SLC15A2: variants seen among roughly 807,000 people sequenced by gnomAD.
SLC15A2 encodes kidney H(+)/peptide cotransporter.
In SLC15A2, 77 loss-of-function variants were observed where a neutral mutation model predicts 95.5. The ratio of observed to expected loss-of-function variants is 0.81; its 90% CI spans 0.67 to 0.97. The LOEUF is 0.97. SLC15A2 is among the 50% of genes least tolerant of loss of function. SLC15A2 has a pLI of 0.00. For synonymous variants in SLC15A2, 306 were observed against 306.9 expected (o/e 1.00, Z 0.03); for missense variants, 893 against 874.4 (o/e 1.02, Z -0.27).
intron 15 of SLC15A2, 132 bp from the exon 16 acceptor site, chr3:121,928,850 G>A: frequency 1.0e-6 from 1 of 956,250 alleles, no homozygotes; most frequent in Non-Finnish European, 1.5e-6. Flanking sequence ...AAATAAAATG[G>A]CTAGGTTAAA....
rs947867145 is a variant in SLC15A2 at position 121,940,891 on chromosome 3, A to G, written c.2074A>G (p.Met692Val). The G allele has an allele frequency of 3.7e-6, 6 of 1,613,948 alleles. No homozygotes were observed. The African/African-American group carries it at 5.3e-5, about 14-fold the overall frequency. Reference sequence around the variant, plus strand: ...GGTGATCTGCCTGATCTTCTCCATCATGGGCTACTACTATGTTCCTGTAAA... The same window carrying G: ...GGTGATCTGCCTGATCTTCTCCATCGTGGGCTACTACTATGTTCCTGTAAA... ...LLVICLIFSIMGYYYVPVKTE... is the reference protein window; with the variant it reads ...LLVICLIFSIVGYYYVPVKTE... Residue 692 changes from methionine to valine, a missense_variant, in exon 22 of 22, where the codon ATG becomes GTG. Transcript: ENST00000489711.
intron 19 of SLC15A2, among the ~76,000 whole-genome samples, chr3:121,931,968 C>T (rs1406005767): frequency 4.6e-5 from 7 of 152,158 alleles, no homozygotes; most frequent in African/African-American, 7.2e-5. Context: ...GGCACCATCT[C>T]GACTCACTGC....
chr3:121,904,797 C>T (rs1207288338), intron 3 of SLC15A2, among the ~76,000 whole-genome samples: 1 of 152,164 alleles, frequency 6.6e-6, no homozygotes, highest in Non-Finnish European at 1.5e-5. Flanking sequence ...ACCAGGGATA[C>T]TGGTCTAAAA....
intron 5 of SLC15A2, among the ~76,000 whole-genome samples, 194 bp downstream of exon 5, chr3:121,913,314 G>A (rs530353113): frequency 2.4e-4 from 37 of 152,288 alleles, no homozygotes; most frequent in African/African-American, 8.9e-4. Flanking sequence ...GACCAGGGTG[G>A]TAGATGAACT....
rs749599908 is a variant in SLC15A2, at chr3:121,911,563, T to C, written c.336-11T>C. The C allele has an allele frequency of 6.2e-7, 1 of 1,600,632 alleles. No individual in the cohort carries two copies. The highest frequency in any genetic ancestry group is 8.6e-7 in the Non-Finnish European group (1 of 1,167,836). Reference sequence around the variant, plus strand: ...CTGGTTTTAGACTGACTGATTTAGCTCTCTCAACAGGACAATCATCTATCT... The same window carrying C: ...CTGGTTTTAGACTGACTGATTTAGCCCTCTCAACAGGACAATCATCTATCT... On this transcript the variant is annotated splice_polypyrimidine_tract_variant and intron_variant, in intron 3 of 21. Transcript: ENST00000489711.
chr3:121,908,406 C>T (rs1389735902), intron 3 of SLC15A2, among the ~76,000 whole-genome samples: 1 of 152,216 alleles, frequency 6.6e-6, no homozygotes, highest in Non-Finnish European at 1.5e-5. Flanking sequence ...CCAACCAGTC[C>T]CAATGAAATG....
rs1383069659 is a variant in SLC15A2, at chr3:121,914,871, AAAAAC to A, written c.529-355_529-351del. 2.0e-5 allele frequency: 9 copies of A among 439,460 alleles called. No individual in the cohort carries two copies. The East Asian group carries it at 9.5e-4, about 46-fold the overall frequency. 27.2% of individuals were successfully genotyped at this position (439,460 alleles called of 1,614,324 possible). ...AGACTCCATCTCAAAAAAAAAAAAA[AAAAAC>A]CACAAACACACACATGAAATAAAAA... On this transcript the variant is annotated intron_variant, in intron 5 of 21. Transcript: ENST00000489711.
At chr3:121,897,846 A>G (rs988489286) in intron 3 of SLC15A2, among the ~76,000 whole-genome samples, 3 of 152,196 alleles carry the variant, frequency 2.0e-5, no homozygotes, top group Non-Finnish European at 4.4e-5. Flanking sequence ...TGTTGGAGAT[A>G]GACAGCACTA....
At chr3:121,908,388 C>T (rs555950147) in intron 3 of SLC15A2, among the ~76,000 whole-genome samples, 73 of 152,310 alleles carry the variant, frequency 4.8e-4, no homozygotes, top group Non-Finnish European at 9.1e-4. Context: ...GTGGGCTGCA[C>T]CCACTGTCCA....
At chr3:121,929,415 G>A in intron 17 of SLC15A2, 67 bp downstream of exon 17, 1 of 1,517,380 alleles carries the variant, frequency 6.6e-7, no homozygotes, top group Non-Finnish European at 9.1e-7. Flanking sequence ...CTAATCTTTG[G>A]GGCTGCATTC....
intron 3 of SLC15A2, 136 bp downstream of exon 3, chr3:121,897,665 G>A (rs779556539): frequency 1.1e-4 from 84 of 793,480 alleles, no homozygotes; most frequent in Non-Finnish European, 1.5e-4. Context: ...CATCTGTGTA[G>A]TGTGGGAAAT....
At chr3:121,932,992 A>G (rs1710263298) in intron 19 of SLC15A2, among the ~76,000 whole-genome samples, 1 of 151,182 alleles carries the variant, frequency 6.6e-6, no homozygotes, top group Non-Finnish European at 1.5e-5. Context: ...ATTCCCACCT[A>G]TGAGTGAGAA....
At chr3:121,928,648 T>C in intron 15 of SLC15A2, 93 bp downstream of exon 15, 1 of 1,353,138 alleles carries the variant, frequency 7.4e-7, no homozygotes, top group Non-Finnish European at 1.0e-6. Context: ...CATCTTCCCA[T>C]GTCTTTAGAT....
chr3:121,936,666 G>A (rs1301288810), intron 19 of SLC15A2, among the ~76,000 whole-genome samples: 9 of 151,280 alleles, frequency 5.9e-5, no homozygotes, highest in South Asian at 4.2e-4. Context: ...GTCTCTGCAC[G>A]TGAGATGGGT....
At chr3:121,923,289 A>T in intron 11 of SLC15A2, 23 bp downstream of exon 11, 1 of 1,609,298 alleles carries the variant, frequency 6.2e-7, no homozygotes, top group South Asian at 1.1e-5. Flanking sequence ...GATTTTCCAG[A>T]GAAGTCTATT....
chr3:121,930,398 GGATAA>G (rs1710208487), intron 17 of SLC15A2, among the ~76,000 whole-genome samples: 4 of 152,226 alleles, frequency 2.6e-5, no homozygotes, highest in South Asian at 2.1e-4. Flanking sequence ...ATTTATAAGA[GGATAA>G]GATATCAGTT....
At chr3:121,925,739 T>C (rs1710104700) in intron 13 of SLC15A2, among the ~76,000 whole-genome samples, 1 of 33,256 alleles carries the variant, frequency 3.0e-5, no homozygotes, top group South Asian at 8.8e-4. Flanking sequence ...TATATATATA[T>C]ATATATATAT....
At chr3:121,939,120 T>C (rs874742) in intron 19 of SLC15A2, 163,366 of 360,342 alleles carry the variant, frequency 0.45, 38,822 homozygotes, top group East Asian at 0.72. Flanking sequence ...AATATTCTCT[T>C]ATTTAAAGTC....
chr3:121,920,445 C>T (rs1397630611), intron 7 of SLC15A2, among the ~76,000 whole-genome samples: 1 of 152,162 alleles, frequency 6.6e-6, no homozygotes, highest in Admixed American at 6.5e-5. Flanking sequence ...CAGGTGCGCA[C>T]CACCACGCCC....
Sources: allele counts gnomAD v4.1 joint callset (sites outside exome capture counted in the v4.1 genomes callset), GRCh38; gene constraint gnomAD v4.1.1; transcripts MANE v1.5; gene names NCBI Gene and HGNC (gene_info 2026-07-23, HGNC 2026-07-21).